The following NUP153 variants were observed in gnomAD, a reference collection of about 807,000 sequenced individuals.
NUP153 encodes the protein nuclear pore complex protein Nup153.
In NUP153, 27 loss-of-function variants were observed where a neutral mutation model predicts 134.6. The ratio of observed to expected loss-of-function variants is 0.20; its 90% CI spans 0.15 to 0.28. The LOEUF is 0.28. NUP153 is among the 10% of genes least tolerant of loss of function. NUP153 has a pLI of 1.00. For missense variants in NUP153, 1,821 were observed against 1,731.3 expected, an observed-to-expected ratio of 1.05 and a Z score of -0.92; for synonymous variants, 640 against 623.5, an observed-to-expected ratio of 1.03 and a Z score of -0.40.
Position 17,706,526 on chromosome 6 carries a change from AC to A in NUP153, c.-140del. The A allele has an allele frequency of 1.6e-6, 1 of 617,472 alleles. No individual in the cohort carries two copies. The highest frequency in any genetic ancestry group is 2.8e-6 in the Non-Finnish European group (1 of 358,078). 38.2% of individuals were successfully genotyped at this position (617,472 alleles called of 1,614,324 possible). A position where few individuals can be genotyped will look rare whatever the true frequency, so the allele number is the denominator to read the frequency against. On this transcript the variant is annotated 5_prime_UTR_variant, in exon 1 of 22. Transcript: ENST00000262077. This position sits in a 1 kb window ranked among gnomAD's most constrained non-coding sequence, Gnocchi z 5.9. ...CGCTGTCCACACAGTGGGCACAAGC[AC>A]CCCAGGAACCGCGAGGTTGCGAGCA...
chr6:17,688,274 T>C (rs1373911206), intron 2 of NUP153, 122 bp downstream of exon 2: 2 of 671,102 alleles, frequency 3.0e-6, no homozygotes, highest in East Asian at 2.7e-5. Flanking sequence ...TGAACCTGAT[T>C]ATCATCCTCT....
intron 8 of NUP153, among the ~76,000 whole-genome samples, chr6:17,665,716 A>AG (rs1341291751): frequency 6.6e-6 from 1 of 150,422 alleles, no homozygotes; most frequent in African/African-American, 2.4e-5. Flanking sequence ...AACCTTTTAC[A>AG]GTTTTTTGTT....
intron 2 of NUP153, among the ~76,000 whole-genome samples, chr6:17,676,106 T>G (rs1022940341): frequency 2.0e-5 from 3 of 152,224 alleles, no homozygotes; most frequent in Non-Finnish European, 4.4e-5. Flanking sequence ...TGCCTTATAG[T>G]CCTATCATTC....
chr6:17,643,740 A>G (rs771423943), intron 14 of NUP153, among the ~76,000 whole-genome samples: 1 of 152,240 alleles, frequency 6.6e-6, no homozygotes, highest in Non-Finnish European at 1.5e-5. Context: ...AACGGTGTCA[A>G]AGTGAGAACA....
chr6:17,671,244 A>G (rs146346677), intron 5 of NUP153, among the ~76,000 whole-genome samples: 1 of 152,126 alleles, frequency 6.6e-6, no homozygotes, highest in African/African-American at 2.4e-5. Context: ...ATAATTCATG[A>G]GAAATAATAG....
At chr6:17,693,216 A>ACACACACACT (rs761937441) in intron 1 of NUP153, among the ~76,000 whole-genome samples, 3 of 149,792 alleles carry the variant, frequency 2.0e-5, no homozygotes, top group Admixed American at 1.3e-4. Flanking sequence ...ACACACACAC[A>ACACACACACT]CTTATAAAAT....
chr6:17,622,887 G>A (rs1581659607), intron 20 of NUP153, among the ~76,000 whole-genome samples: 1 of 152,018 alleles, frequency 6.6e-6, no homozygotes, highest in South Asian at 2.1e-4. Flanking sequence ...TCCCAGCACT[G>A]TGGGAGGCCG....
At chr6:17,651,693 A>C (rs565216262) in intron 11 of NUP153, 3 of 386,330 alleles carry the variant, frequency 7.8e-6, no homozygotes, top group East Asian at 7.3e-5. Flanking sequence ...AATATTTCCA[A>C]AAGTTTTTTT....
At chr6:17,669,134 A>G in intron 7 of NUP153, 106 bp from the exon 8 acceptor site, 1 of 1,020,610 alleles carries the variant, frequency 9.8e-7, no homozygotes, top group African/African-American at 1.7e-5. Context: ...GCTGGAGTGC[A>G]GTGGCGCGAT....
chr6:17,692,566 T>C (rs1769348423), intron 1 of NUP153, among the ~76,000 whole-genome samples: 1 of 152,108 alleles, frequency 6.6e-6, no homozygotes, highest in African/African-American at 2.4e-5. Flanking sequence ...AGGAAAATAA[T>C]AAAATGGACC....
At chr6:17,632,950 CTAA>C (rs1358696785) in intron 16 of NUP153, 106 bp from the exon 17 acceptor site, 45 of 749,838 alleles carry the variant, frequency 6.0e-5, no homozygotes, top group African/African-American at 5.2e-4. Context: ...TGTTCAGTTT[CTAA>C]TAATATTTCC....
chr6:17,637,753 T>C lies in NUP153; in HGVS notation c.1864A>G (p.Ile622Val). 1 of 1,599,702 alleles carries C rather than the reference T, an allele frequency of 6.3e-7. No individual in the cohort carries two copies. The highest frequency in any genetic ancestry group is 8.5e-7 in the Non-Finnish European group (1 of 1,177,920). Residue 622 changes from isoleucine to valine, a missense_variant, in exon 16 of 22, where the codon ATA (isoleucine) becomes GTA (valine). Coordinates refer to ENST00000262077, the MANE Select transcript of NUP153 (RefSeq NM_005124.4). ...GTGGGCTGAGCAGCAACAGAATCTA[T>C]CTTCGGCGATGCGAAACCTACAATG... is the stretch of plus-strand genomic sequence containing the variant. Reference protein sequence around the residue: ...LKSPGFASPKIDSVAAQPTAT... With the variant: ...LKSPGFASPKVDSVAAQPTAT...
intron 1 of NUP153, among the ~76,000 whole-genome samples, chr6:17,689,518 TTAA>T (rs1287841956): frequency 6.6e-6 from 1 of 151,924 alleles, no homozygotes; most frequent in East Asian, 1.9e-4. Flanking sequence ...ATCTCAGTGA[TTAA>T]TTTTATTACG....
Position 17,676,970 on chromosome 6 carries a change from G to A in NUP153, c.335-1200C>T, listed in dbSNP as rs3777715. On this transcript the variant is annotated intron_variant, in intron 2 of 21. Transcript: ENST00000262077. The stretch of plus-strand genomic sequence containing the variant: ...AAACAGAGATACTAGACAGTGTACC[G>A]TGCTAGGGGAAAAAAACAATGCTGA... Among the ~76,000 whole-genome samples, 6 of 152,012 alleles carry A rather than the reference G, an allele frequency of 3.9e-5. No individual in the cohort carries two copies. The South Asian group carries it at 8.3e-4, about 21-fold the overall frequency.
rs780052978 is a variant in NUP153, at chr6:17,616,608, G to C, written c.4262C>G (p.Ser1421Cys). ...CTGGGCTGAGGCTGCAGGTGTGCTA[G>C]AATTTGCACCAAATGTGAACACTCC... ...PSGVFTFGAN[S>C]STPAASAQPS... Residue 1421 changes from serine to cysteine, a missense_variant, in exon 21 of 22, where the codon TCT becomes TGT. Coordinates refer to ENST00000262077, the MANE Select transcript of NUP153 (RefSeq NM_005124.4). 2.2e-5 allele frequency: 36 copies of C among 1,614,058 alleles called. No individual in the cohort carries two copies. Among genetic ancestry groups the C allele is most frequent in the Non-Finnish European group, 2.8e-5 (33 of 1,180,014 alleles).
chr6:17,665,556 T>G (rs1767483426), intron 8 of NUP153, among the ~76,000 whole-genome samples, 171 bp from the exon 9 acceptor site: 1 of 152,212 alleles, frequency 6.6e-6, no homozygotes, highest in South Asian at 2.1e-4. Context: ...ACCTAAGGTA[T>G]GTATTCATAT....
intron 11 of NUP153, among the ~76,000 whole-genome samples, chr6:17,654,021 C>A (rs1766659908): frequency 6.6e-6 from 1 of 152,104 alleles, no homozygotes; most frequent in African/African-American, 2.4e-5. Context: ...AAAAGATGGA[C>A]AGGTAAATTT....
At chr6:17,670,033 T>A (rs934748078) in intron 5 of NUP153, among the ~76,000 whole-genome samples, 1 of 143,964 alleles carries the variant, frequency 6.9e-6, no homozygotes, top group African/African-American at 2.6e-5. Context: ...GAGGCGGAGG[T>A]TGTGGTGAGC....
intron 5 of NUP153, among the ~76,000 whole-genome samples, chr6:17,672,880 C>A (rs1484582890): frequency 6.6e-6 from 1 of 152,138 alleles, no homozygotes; most frequent in Admixed American, 6.6e-5. Context: ...TCATACCACA[C>A]ACAAAAATCT....
Sources: allele counts gnomAD v4.1 joint callset (sites outside exome capture counted in the v4.1 genomes callset), GRCh38; gene constraint gnomAD v4.1.1; non-coding constraint Gnocchi (gnomAD v3.1); transcripts MANE v1.5; gene names NCBI Gene and HGNC (gene_info 2026-07-23, HGNC 2026-07-21).